Variants in XYLT1 observed in about 807,000 individuals in gnomAD.
The protein encoded by XYLT1 is xylosyltransferase 1.
XYLT1 carries 36 observed loss-of-function variants against 91.3 expected under a neutral mutation model. That is an observed-to-expected ratio of 0.39 (90% CI 0.30 to 0.52). The LOEUF is 0.52. Among genes scored for constraint, XYLT1 ranks in the 20% least tolerant of loss-of-function variants. XYLT1 has a pLI of 0.68. For synonymous variants in XYLT1, 588 were observed against 532.0 expected (o/e 1.11, Z -1.45); for missense variants, 1,242 against 1,284.5 (o/e 0.97, Z 0.51).
chr16:17,327,078 ATGG>A (rs2034815612), intron 2 of XYLT1, among the ~76,000 whole-genome samples: 1 of 152,212 alleles, frequency 6.6e-6, no homozygotes, highest in East Asian at 1.9e-4. Context: ...TGAGGAGCTA[ATGG>A]ACAGCACGGG....
At chr16:17,111,785 C>T (rs771697719) in intron 11 of XYLT1, among the ~76,000 whole-genome samples, 9 of 152,172 alleles carry the variant, frequency 5.9e-5, no homozygotes, top group Non-Finnish European at 1.0e-4. Context: ...AGGAGGTGAG[C>T]AGTCATTGAG....
intron 5 of XYLT1, among the ~76,000 whole-genome samples, chr16:17,191,032 G>T (rs2032298641): frequency 6.6e-6 from 1 of 152,112 alleles, no homozygotes; most frequent in Admixed American, 6.5e-5. Context: ...TTATTTGGTT[G>T]TTCTGTTTTG....
chr16:17,299,894 A>G (rs998347224), intron 2 of XYLT1, among the ~76,000 whole-genome samples: 4 of 152,180 alleles, frequency 2.6e-5, no homozygotes, highest in African/African-American at 9.7e-5. Context: ...ATGCTGCTTT[A>G]TTAACGACCC....
intron 2 of XYLT1, among the ~76,000 whole-genome samples, chr16:17,296,247 C>A (rs1397578010): frequency 7.3e-6 from 1 of 137,016 alleles, no homozygotes; most frequent in East Asian, 2.0e-4. Flanking sequence ...CAAACCTAAA[C>A]CAAACCATGT....
At chr16:17,321,197 A>G (rs1454098816) in intron 2 of XYLT1, among the ~76,000 whole-genome samples, 7 of 151,902 alleles carry the variant, frequency 4.6e-5, no homozygotes, top group Non-Finnish European at 1.0e-4. Context: ...GGTGATTCCA[A>G]CATGAATCTG....
chr16:17,328,546 CTCAAAAAAAAAAAAAAA>C, intron 2 of XYLT1, among the ~76,000 whole-genome samples: 2 of 24,942 alleles, frequency 8.0e-5, no homozygotes, highest in African/African-American at 2.6e-4. Flanking sequence ...AAGACTCCTT[CTCAAAAAAAAAAAAAAA>C]AAAAAAAAAA....
chr16:17,138,634 G>T, intron 7 of XYLT1, 103 bp from the exon 8 acceptor site: 1 of 1,383,930 alleles, frequency 7.2e-7, no homozygotes, highest in Non-Finnish European at 9.9e-7. Context: ...TGTAAGAACT[G>T]GTTGTTTAAA....
chr16:17,250,326 A>G (rs1052602504), intron 3 of XYLT1: 1 of 152,264 alleles, frequency 6.6e-6, no homozygotes, highest in African/African-American at 2.4e-5. Flanking sequence ...TTAAGTGGGT[A>G]GAAAACAAAT....
intron 2 of XYLT1, among the ~76,000 whole-genome samples, chr16:17,285,432 G>T (rs1161038394): frequency 1.3e-5 from 2 of 152,174 alleles, no homozygotes; most frequent in Non-Finnish European, 2.9e-5. Context: ...GGAGAGATCT[G>T]GTAGCAGAAT....
intron 1 of XYLT1, among the ~76,000 whole-genome samples, chr16:17,397,429 C>G (rs570565260): frequency 6.6e-6 from 1 of 152,230 alleles, no homozygotes; most frequent in African/African-American, 2.4e-5. Context: ...CATAATAAAC[C>G]GCCTTTCCGG....
At chr16:17,232,264 T>C (rs569748375) in intron 3 of XYLT1, among the ~76,000 whole-genome samples, 1 of 143,068 alleles carries the variant, frequency 7.0e-6, no homozygotes, top group South Asian at 2.1e-4. Context: ...ATAATTATTA[T>C]TATAATCTAT....
chr16:17,192,268 T>G (rs946541835), intron 5 of XYLT1, among the ~76,000 whole-genome samples: 3 of 151,916 alleles, frequency 2.0e-5, no homozygotes, highest in Non-Finnish European at 2.9e-5. Context: ...CCAGCTACTT[T>G]TTGTATTTTT....
At chr16:17,418,703 C>T (rs1321707379) in intron 1 of XYLT1, among the ~76,000 whole-genome samples, 2 of 152,020 alleles carry the variant, frequency 1.3e-5, no homozygotes, top group African/African-American at 4.8e-5. Context: ...CAAAAATAAG[C>T]CATCCATGGT....
intron 3 of XYLT1, among the ~76,000 whole-genome samples, chr16:17,216,788 C>G (rs2032869307): frequency 6.6e-6 from 1 of 152,138 alleles, no homozygotes; most frequent in Non-Finnish European, 1.5e-5. Context: ...GGATGTGAGT[C>G]CAAGCAAACT....
rs990880638 is a variant in XYLT1, at chr16:17,104,763, TACAA to T, written c.*3928_*3931del. 2 of 152,250 alleles carry T rather than the reference TACAA, an allele frequency of 1.3e-5. No individual in the cohort carries two copies. The highest frequency in any genetic ancestry group is 2.9e-5 in the Non-Finnish European group (2 of 68,050). The allele number at this position is 152,250 out of a possible 1,614,324, so 9.4% of individuals were successfully genotyped here. On this transcript the variant is annotated 3_prime_UTR_variant, in exon 12 of 12. Coordinates refer to ENST00000261381, the MANE Select transcript of XYLT1 (RefSeq NM_022166.4). ...TTCCACTACACTGTGCTTACATTTTTACAAACAATGACAGGTTGGGGCTGAGTAG... is the reference window on the plus strand; with the variant it reads ...TTCCACTACACTGTGCTTACATTTTTACAATGACAGGTTGGGGCTGAGTAG...
At chr16:17,207,061 T>TTC (rs2032662480) in intron 3 of XYLT1, among the ~76,000 whole-genome samples, 1 of 147,606 alleles carries the variant, frequency 6.8e-6, no homozygotes, top group Non-Finnish European at 1.5e-5. Context: ...TCTTTTTTTT[T>TTC]TTTTTTTTTT....
At chr16:17,308,754 T>C (rs2034502359) in intron 2 of XYLT1, among the ~76,000 whole-genome samples, 1 of 152,150 alleles carries the variant, frequency 6.6e-6, no homozygotes, top group South Asian at 2.1e-4. Context: ...GCTATGAAGA[T>C]TAGAAATCAA....
intron 3 of XYLT1, among the ~76,000 whole-genome samples, chr16:17,247,885 T>C (rs904535927): frequency 6.6e-6 from 1 of 152,126 alleles, no homozygotes; most frequent in Non-Finnish European, 1.5e-5. Context: ...GGCTAAGAAC[T>C]TGGGGGCAGG....
At chr16:17,118,038 GA>G (rs1472171681) in intron 10 of XYLT1, 59 bp from the exon 11 acceptor site, 20 of 1,534,376 alleles carry the variant, frequency 1.3e-5, no homozygotes, top group African/African-American at 4.1e-5. Context: ...CTAGGTCTCA[GA>G]AAGGTCTAGG....
Sources: gnomAD v4.1 joint callset for allele counts (sites outside exome capture counted in the v4.1 genomes callset) on GRCh38, gnomAD v4.1.1 for gene constraint, MANE v1.5 for transcripts, NCBI Gene and HGNC (gene_info 2026-07-23, HGNC 2026-07-21) for gene names.